Variants in KDM1A observed in about 807,000 individuals in gnomAD.
The protein encoded by KDM1A is lysine-specific histone demethylase 1A.
A neutral mutation model predicts 109.4 loss-of-function variants in KDM1A; 49 were observed. The ratio of observed to expected loss-of-function variants is 0.45; its 90% CI spans 0.36 to 0.57. KDM1A has a LOEUF of 0.57. KDM1A is among the 20% of genes least tolerant of loss of function. The pLI, the probability that KDM1A is intolerant of heterozygous loss-of-function variation, is 0.00. For synonymous variants in KDM1A, 380 were observed against 415.4 expected (o/e 0.91, Z 1.04); for missense variants, 668 against 1,116.6 (o/e 0.60, Z 5.73).
At chr1:23,071,640 C>T (rs1643322967) in intron 13 of KDM1A, among the ~76,000 whole-genome samples, 1 of 152,184 alleles carries the variant, frequency 6.6e-6, no homozygotes, top group South Asian at 2.1e-4. Context: ...ACATGGACTT[C>T]AGAGTCATTT....
Position 23,079,704 on chromosome 1 carries a change from T to TA in KDM1A, c.2170+38dup. On this transcript the variant is annotated intron_variant, in intron 18 of 20. Coordinates refer to ENST00000400181, the MANE Select transcript of KDM1A (RefSeq NM_001009999.3). This position sits in a 1 kb window ranked among gnomAD's most constrained non-coding sequence, Gnocchi z 5.6. ...CTAATTTTAATCTTTTCCATATCCT[T>TA]ACAGGAATATAGAATTTGAAATATT... 1 of 1,312,598 alleles carries TA rather than the reference T, an allele frequency of 7.6e-7. No homozygotes were observed. The highest frequency in any genetic ancestry group is 1.1e-6 in the Non-Finnish European group (1 of 935,572). 81.3% of individuals were successfully genotyped at this position (1,312,598 alleles called of 1,614,324 possible).
intron 2 of KDM1A, among the ~76,000 whole-genome samples, chr1:23,036,075 CTTTG>C (rs975504106): frequency 1.4e-4 from 22 of 151,992 alleles, no homozygotes; most frequent in African/African-American, 5.1e-4. Context: ...AGGTGAACCA[CTTTG>C]TTTTTTTTTA....
At chr1:23,034,444 T>C (rs1316798979) in intron 2 of KDM1A, among the ~76,000 whole-genome samples, 1 of 152,224 alleles carries the variant, frequency 6.6e-6, no homozygotes, top group Non-Finnish European at 1.5e-5. Context: ...ACTTCATTGA[T>C]TTAGAATAAT....
In KDM1A at chr1:23,058,970, G is replaced by A. The variant is rs192074207; in HGVS notation, c.1073-103G>A. ...TTTGAGAAATAATTACATACTGTAAGCTTTTGAGCTTTTTATATTTTGAGT... is the reference window on the plus strand; with the variant it reads ...TTTGAGAAATAATTACATACTGTAAACTTTTGAGCTTTTTATATTTTGAGT... On this transcript the variant is annotated intron_variant, in intron 8 of 20. Transcript: ENST00000400181. 122 of 628,508 alleles carry A rather than the reference G, an allele frequency of 1.9e-4. 2 individuals carry two copies. The Middle Eastern group carries it at 2.0e-3, about 11-fold the overall frequency. 38.9% of individuals were successfully genotyped at this position (628,508 alleles called of 1,614,324 possible). A position where few individuals can be genotyped will look rare whatever the true frequency, so the allele number is the denominator to read the frequency against.
At chr1:23,068,826 T>C (rs1204061966) in intron 11 of KDM1A, 145 bp downstream of exon 11, 7 of 719,074 alleles carry the variant, frequency 9.7e-6, no homozygotes, top group Non-Finnish European at 1.1e-5. Context: ...TTAAAAATTA[T>C]TTAAAATAAT....
chr1:23,040,204 CTG>C, intron 2 of KDM1A, among the ~76,000 whole-genome samples: 1 of 152,270 alleles, frequency 6.6e-6, no homozygotes, highest in East Asian at 1.9e-4. Context: ...AAATGTGAAT[CTG>C]TGTTTCTGGA....
intron 11 of KDM1A, 23 bp downstream of exon 11, chr1:23,068,704 TTGTATA>T (rs1553130931): frequency 8.7e-6 from 13 of 1,493,110 alleles, no homozygotes; most frequent in African/African-American, 2.8e-5. Flanking sequence ...ATACTGCTTA[TTGTATA>T]GTGAGTTCCA....
chr1:23,027,499 T>TG (rs2124357068), intron 1 of KDM1A, among the ~76,000 whole-genome samples: 1 of 139,580 alleles, frequency 7.2e-6, no homozygotes, highest in South Asian at 2.2e-4. Flanking sequence ...ACTGTAGCCT[T>TG]GACCCCCCCC....
rs1569749606 is a variant in KDM1A at position 23,057,431 on chromosome 1, G to C, written c.991-53G>C. The C allele has an allele frequency of 3.7e-6, 5 of 1,361,018 alleles. No individual in the cohort carries two copies. The East Asian group carries it at 1.1e-4, about 31-fold the overall frequency. The allele number at this position is 1,361,018 out of a possible 1,614,324, so 84.3% of individuals were successfully genotyped here. A position where few individuals can be genotyped will look rare whatever the true frequency, so the allele number is the denominator to read the frequency against. ...AGAGCCGTGGTATGGTACTATGCCA[G>C]GTTTGTGGTTAAAACAGAATTGATG... On this transcript the variant is annotated intron_variant, in intron 7 of 20. Transcript: ENST00000400181.
At chr1:23,065,575 A>T (rs1643137379) in intron 9 of KDM1A, among the ~76,000 whole-genome samples, 1 of 152,202 alleles carries the variant, frequency 6.6e-6, no homozygotes, top group South Asian at 2.1e-4. Context: ...GTGGAAATGG[A>T]TGGGGCCTGG....
Position 23,027,721 on chromosome 1 carries a change from C to CTT in KDM1A, c.352-2733_352-2732dup, listed in dbSNP as rs34716853. 6.8e-3 allele frequency among the ~76,000 whole-genome samples: 927 copies of CTT among 136,514 alleles called. 7 individuals carry two copies. The highest frequency in any genetic ancestry group is 0.01 in the Non-Finnish European group (657 of 63,890). 89.6% of individuals were successfully genotyped at this position (136,514 alleles called of 152,430 possible). A position where few individuals can be genotyped will look rare whatever the true frequency, so the allele number is the denominator to read the frequency against. ...ACAGGCTTGAGCCACCGCTCCCAGCCTTTTTTTTTTTTTTTTAAGCTTGCT... is the reference window on the plus strand; with the variant it reads ...ACAGGCTTGAGCCACCGCTCCCAGCCTTTTTTTTTTTTTTTTTTAAGCTTGCT... On this transcript the variant is annotated intron_variant, in intron 1 of 20. Coordinates refer to ENST00000400181, the MANE Select transcript of KDM1A (RefSeq NM_001009999.3).
rs370934481 is a variant in KDM1A, at chr1:23,033,319, C to T, written c.517+2685C>T. On this transcript the variant is annotated intron_variant, in intron 2 of 20. Coordinates refer to ENST00000400181, the MANE Select transcript of KDM1A (RefSeq NM_001009999.3). ...AGCGGATCACCTGAGGTCAGGAGTT[C>T]GAGACCAGCATGGCCAACATAGTGA... is the stretch of plus-strand genomic sequence containing the variant. 7.2e-5 allele frequency among the ~76,000 whole-genome samples: 11 copies of T among 152,226 alleles called. No individual in the cohort carries two copies. The East Asian group carries it at 1.5e-3, about 21-fold the overall frequency.
At position 23,071,279 on chromosome 1, in the gene KDM1A, TC is replaced by T. The variant is rs1447395807; in HGVS notation, c.1469del (p.Ser490LeufsTer3). The T allele has an allele frequency of 6.2e-7, 1 of 1,611,514 alleles. No homozygotes were observed. Among genetic ancestry groups the T allele is most frequent in the Non-Finnish European group, 8.5e-7 (1 of 1,178,976 alleles). On this transcript the variant is annotated frameshift_variant, in exon 13 of 21. Coordinates refer to ENST00000400181, the MANE Select transcript of KDM1A (RefSeq NM_001009999.3). LOFTEE classifies it high-confidence loss of function. ...KELHQQYKEA[S>X]EVKPPRDITA... ...ACTCCATCAGCAATACAAAGAAGCA[TC>T]TGAAGTAAAGCCACCCAGAGATATT...
At chr1:23,052,878 T>C (rs1230409344) in intron 4 of KDM1A, among the ~76,000 whole-genome samples, 1 of 152,182 alleles carries the variant, frequency 6.6e-6, no homozygotes, top group African/African-American at 2.4e-5. Flanking sequence ...CTCAATGCAT[T>C]TGACTTCAGT....
intron 1 of KDM1A, among the ~76,000 whole-genome samples, chr1:23,029,277 A>G (rs556048946): frequency 3.5e-4 from 54 of 152,348 alleles, no homozygotes; most frequent in African/African-American, 1.2e-3. Context: ...TGTGGAAACC[A>G]TGTTGTCTTT....
At position 23,053,872 on chromosome 1, in the gene KDM1A, C is replaced by G. The variant is rs768043188; in HGVS notation, c.790+33C>G. 5.9e-6 allele frequency: 7 copies of G among 1,176,786 alleles called. No homozygotes were observed. The Admixed American group carries it at 1.2e-4, about 20-fold the overall frequency. 72.9% of individuals were successfully genotyped at this position (1,176,786 alleles called of 1,614,324 possible). ...GTGTGTTCAATAGGACTAATTTGTA[C>G]TGGATTGTGAAAATTGATACGTTCT... On this transcript the variant is annotated intron_variant, in intron 5 of 20. Transcript: ENST00000400181.
At chr1:23,029,128 TA>T (rs905118645) in intron 1 of KDM1A, among the ~76,000 whole-genome samples, 1 of 151,862 alleles carries the variant, frequency 6.6e-6, no homozygotes, top group African/African-American at 2.4e-5. Flanking sequence ...TCCTATCATT[TA>T]AAAAAAAGAG....
chr1:23,023,824 C>A (rs1456545683), intron 1 of KDM1A, among the ~76,000 whole-genome samples: 1 of 152,134 alleles, frequency 6.6e-6, no homozygotes, highest in Non-Finnish European at 1.5e-5. Flanking sequence ...AAGCTATCTC[C>A]TACAAGAAAG....
intron 13 of KDM1A, 115 bp downstream of exon 13, chr1:23,071,474 T>C (rs1290670703): frequency 3.1e-6 from 3 of 969,904 alleles, no homozygotes; most frequent in Middle Eastern, 2.2e-4. Flanking sequence ...TTCAGTGCAA[T>C]GAAGACGATT....
Sources: gnomAD v4.1 joint callset for allele counts (sites outside exome capture counted in the v4.1 genomes callset) on GRCh38, gnomAD v4.1.1 for gene constraint, Gnocchi (gnomAD v3.1) non-coding constraint, MANE v1.5 for transcripts, NCBI Gene and HGNC (gene_info 2026-07-23, HGNC 2026-07-21) for gene names.